RYR3: variants seen among roughly 807,000 people sequenced by gnomAD.
RYR3 encodes brain ryanodine receptor-calcium release channel.
In RYR3, 207 loss-of-function variants were observed where a neutral mutation model predicts 584.3. That is an observed-to-expected ratio of 0.35 (90% CI 0.32 to 0.40). The LOEUF is 0.40. Ranked by LOEUF, RYR3 falls within the 10% of genes least tolerant of loss-of-function variation. The pLI is 1.00. For synonymous variants in RYR3, 2,416 were observed against 2,248.5 expected, an observed-to-expected ratio of 1.07 and a Z score of -2.11; for missense variants, 5,616 against 6,089.2, an observed-to-expected ratio of 0.92 and a Z score of 2.59.
At chr15:33,515,359 G>A (rs974665239) in intron 3 of RYR3, among the ~76,000 whole-genome samples, 3 of 152,208 alleles carry the variant, frequency 2.0e-5, no homozygotes, top group Admixed American at 2.0e-4. Flanking sequence ...CAGGGCAGGT[G>A]GAGCAATAGG....
chr15:33,594,355 T>C (rs1430956634), intron 16 of RYR3, among the ~76,000 whole-genome samples: 3 of 152,216 alleles, frequency 2.0e-5, no homozygotes, highest in Non-Finnish European at 4.4e-5. Flanking sequence ...TCACAAATAG[T>C]TTCCAAATTC....
intron 48 of RYR3, among the ~76,000 whole-genome samples, chr15:33,734,971 G>A (rs1032904954): frequency 3.3e-5 from 5 of 152,084 alleles, no homozygotes; most frequent in Middle Eastern, 3.4e-3. Context: ...GATTACAGGC[G>A]TGAGCCACCG....
intron 12 of RYR3, among the ~76,000 whole-genome samples, chr15:33,574,143 G>A (rs1456198959): frequency 6.6e-6 from 1 of 152,142 alleles, no homozygotes; most frequent in African/African-American, 2.4e-5. Context: ...GCAAGGCTGA[G>A]ACCTGAGATT....
At chr15:33,543,965 C>A (rs930805582) in intron 8 of RYR3, among the ~76,000 whole-genome samples, 3 of 152,134 alleles carry the variant, frequency 2.0e-5, no homozygotes, top group African/African-American at 7.2e-5. Flanking sequence ...TTCTTTGGCT[C>A]TGCACTTAAA....
rs568954178 is a variant in RYR3 at position 33,515,670 on chromosome 15, G to A, written c.279+11932G>A. Among the ~76,000 whole-genome samples, 8 of 152,312 alleles carry A rather than the reference G, an allele frequency of 5.3e-5. No homozygotes were observed. The South Asian group carries it at 1.0e-3, about 20-fold the overall frequency. ...AATGAGCTGTTCCCAGGGTAACCAG[G>A]AATGGTAAGTTCGCTGGGCTGAACC... On this transcript the variant is annotated intron_variant, in intron 3 of 103. Coordinates refer to ENST00000634891, the MANE Select transcript of RYR3 (RefSeq NM_001036.6).
At chr15:33,831,690 A>G (rs1322116276) in intron 86 of RYR3, among the ~76,000 whole-genome samples, 3 of 152,192 alleles carry the variant, frequency 2.0e-5, no homozygotes, top group South Asian at 2.1e-4. Context: ...TTCATTGTCT[A>G]TGGTGGTCTA....
At chr15:33,368,947 G>A (rs1348895482) in intron 1 of RYR3, among the ~76,000 whole-genome samples, 1 of 152,162 alleles carries the variant, frequency 6.6e-6, no homozygotes, top group Non-Finnish European at 1.5e-5. Flanking sequence ...CATCTTTAGG[G>A]ATGTTTCCCA....
chr15:33,779,816 C>T (rs1016311514), intron 64 of RYR3, among the ~76,000 whole-genome samples: 2 of 150,332 alleles, frequency 1.3e-5, no homozygotes, highest in Admixed American at 6.6e-5. Flanking sequence ...TCCTGGCCAA[C>T]ATGGCGAAAC....
intron 91 of RYR3, among the ~76,000 whole-genome samples, chr15:33,842,823 G>A (rs571504623): frequency 4.6e-5 from 7 of 152,334 alleles, no homozygotes; most frequent in Non-Finnish European, 8.8e-5. Flanking sequence ...TGCTTGCTGC[G>A]TGGAGTGATC....
At chr15:33,723,500 C>G (rs2068101527) in intron 44 of RYR3, among the ~76,000 whole-genome samples, 1 of 152,180 alleles carries the variant, frequency 6.6e-6, no homozygotes, top group Non-Finnish European at 1.5e-5. Flanking sequence ...ATGTCCCTTT[C>G]TTTATCACAG....
chr15:33,666,340 G>A (rs781564900), intron 36 of RYR3, among the ~76,000 whole-genome samples: 9 of 152,146 alleles, frequency 5.9e-5, no homozygotes, highest in Non-Finnish European at 1.3e-4. Flanking sequence ...TGTCTAGGGT[G>A]AGGCCTAAGC....
chr15:33,325,709 G>A (rs1474316549), intron 1 of RYR3, among the ~76,000 whole-genome samples: 1 of 92,990 alleles, frequency 1.1e-5, no homozygotes, highest in African/African-American at 4.3e-5. Flanking sequence ...TCCCCTCTCT[G>A]CCTTCCCCCT....
intron 1 of RYR3, among the ~76,000 whole-genome samples, chr15:33,369,572 A>C (rs1450716145): frequency 6.6e-6 from 1 of 151,208 alleles, no homozygotes; most frequent in Non-Finnish European, 1.5e-5. Context: ...TAATTCCTTC[A>C]TCTATCTATC....
At chr15:33,830,427 C>T (rs1487192915) in intron 85 of RYR3, among the ~76,000 whole-genome samples, 2 of 152,192 alleles carry the variant, frequency 1.3e-5, no homozygotes, top group South Asian at 4.2e-4. Context: ...TTTTTAAAGA[C>T]ATAATGCTAT....
At chr15:33,491,869 A>G (rs1281964348) in intron 2 of RYR3, among the ~76,000 whole-genome samples, 1 of 152,166 alleles carries the variant, frequency 6.6e-6, no homozygotes, top group Non-Finnish European at 1.5e-5. Context: ...TTTATCAGAG[A>G]CAGCTCATGC....
intron 12 of RYR3, among the ~76,000 whole-genome samples, chr15:33,575,049 TAA>T (rs1235198707): frequency 1.3e-5 from 2 of 152,112 alleles, no homozygotes; most frequent in Non-Finnish European, 2.9e-5. Flanking sequence ...TACATAATAA[TAA>T]AGAGTTCAAT....
chr15:33,641,892 A>G (rs954271659), intron 27 of RYR3, among the ~76,000 whole-genome samples: 1 of 152,198 alleles, frequency 6.6e-6, no homozygotes, highest in Non-Finnish European at 1.5e-5. Context: ...GGCCCTGGTC[A>G]TAATTACTGT....
chr15:33,664,560 T>C (rs2063362486), intron 36 of RYR3, among the ~76,000 whole-genome samples: 2 of 141,452 alleles, frequency 1.4e-5, no homozygotes, highest in South Asian at 4.7e-4. Flanking sequence ...TTTATACACA[T>C]ATATATATAG....
At chr15:33,786,107 G>A in intron 66 of RYR3, 125 bp downstream of exon 66, 5 of 754,070 alleles carry the variant, frequency 6.6e-6, no homozygotes, top group African/African-American at 1.7e-5. Flanking sequence ...ACCTCCCCAT[G>A]CCCACCCCAG....
Sources: allele counts gnomAD v4.1 joint callset (sites outside exome capture counted in the v4.1 genomes callset), GRCh38; gene constraint gnomAD v4.1.1; transcripts MANE v1.5; gene names NCBI Gene and HGNC (gene_info 2026-07-23, HGNC 2026-07-21).